The following GHR variants were observed in gnomAD, a reference collection of about 807,000 sequenced individuals.
GHR encodes GH receptor.
Under a neutral mutation model 67.1 loss-of-function variants are expected in GHR, and 35 were observed. That is an observed-to-expected ratio of 0.52 (90% CI 0.40 to 0.69). The LOEUF (loss-of-function observed/expected upper bound fraction) is 0.69. Among genes scored for constraint, GHR ranks in the 30% least tolerant of loss-of-function variants. The pLI, the probability that GHR is intolerant of heterozygous loss-of-function variation, is 0.00. For missense variants in GHR, 792 were observed against 764.6 expected, an observed-to-expected ratio of 1.04 and a Z score of -0.42; for synonymous variants, 272 against 269.1, an observed-to-expected ratio of 1.01 and a Z score of -0.10.
intron 1 of GHR, among the ~76,000 whole-genome samples, chr5:42,460,942 T>A (rs536668415): frequency 6.6e-6 from 1 of 152,138 alleles, no homozygotes; most frequent in Admixed American, 6.5e-5. Flanking sequence ...TCAAAGAGGA[T>A]CCCATATTCC....
intron 6 of GHR, among the ~76,000 whole-genome samples, chr5:42,701,200 T>C (rs1198125895): frequency 6.6e-6 from 1 of 152,144 alleles, no homozygotes; most frequent in East Asian, 1.9e-4. Context: ...ACAAAAGCAA[T>C]GCTGGAAACA....
At chr5:42,552,505 T>C (rs1749085975) in intron 1 of GHR, among the ~76,000 whole-genome samples, 3 of 152,224 alleles carry the variant, frequency 2.0e-5, no homozygotes, top group Non-Finnish European at 4.4e-5. Context: ...TGGGATCATC[T>C]TATGTTGATT....
At chr5:42,620,275 T>C (rs1753376687) in intron 2 of GHR, among the ~76,000 whole-genome samples, 1 of 150,954 alleles carries the variant, frequency 6.6e-6, no homozygotes, top group South Asian at 2.1e-4. Flanking sequence ...AGTAATATTA[T>C]AAGTAAAATC....
chr5:42,713,441 C>T lies in GHR; in HGVS notation c.797C>T (p.Pro266Leu). ...TTGTGTGTTTCAGATTTCTACTTTC[C>T]ATGGCTCTTAATTATTATCTTTGGA... ...QFTCEEDFYFPWLLIIIFGIF... is the reference protein window; with the variant it reads ...QFTCEEDFYFLWLLIIIFGIF... The change falls in exon 8 of 10, where the codon CCA becomes CTA. Residue 266 changes from proline to leucine, a missense_variant. Transcript: ENST00000230882. The T allele has an allele frequency of 7.0e-7, 1 of 1,420,314 alleles. No individual in the cohort carries two copies. The highest frequency in any genetic ancestry group is 9.9e-7 in the Non-Finnish European group (1 of 1,006,150). The allele number at this position is 1,420,314 out of a possible 1,614,324, so 88.0% of individuals were successfully genotyped here.
rs567859903 is a variant in GHR, at chr5:42,569,558, T to C, written c.70+3614T>C. 1.1e-3 allele frequency among the ~76,000 whole-genome samples: 164 copies of C among 152,260 alleles called. 1 individual carries two copies. The highest frequency in any genetic ancestry group is 2.9e-3 in the African/African-American group (121 of 41,562). ...ATCCAGCCAGTAATAGTCCTCAATA[T>C]TGGAGGCCAGACAAAAGCGCTACCT... On this transcript the variant is annotated intron_variant, in intron 2 of 9. Coordinates refer to ENST00000230882, the MANE Select transcript of GHR (RefSeq NM_000163.5).
intron 5 of GHR, among the ~76,000 whole-genome samples, chr5:42,695,651 C>A (rs539379197): frequency 3.2e-4 from 49 of 152,174 alleles, no homozygotes; most frequent in Middle Eastern, 6.8e-3. Context: ...GTGAAAGATC[C>A]AAACAGAGGA....
intron 1 of GHR, among the ~76,000 whole-genome samples, chr5:42,544,815 C>G (rs1748666881): frequency 6.6e-6 from 1 of 152,072 alleles, no homozygotes; most frequent in South Asian, 2.1e-4. Context: ...ATCCTACAAC[C>G]TAAGAGTAGG....
chr5:42,470,754 A>G (rs1421722920), intron 1 of GHR, among the ~76,000 whole-genome samples: 2 of 152,140 alleles, frequency 1.3e-5, no homozygotes, highest in African/African-American at 4.8e-5. Flanking sequence ...CCCTGGCTCT[A>G]TGCAGTGCTC....
At chr5:42,650,578 C>CATATATATATATATATATATATAT (rs35408817) in intron 3 of GHR, among the ~76,000 whole-genome samples, 188 of 128,518 alleles carry the variant, frequency 1.5e-3, no homozygotes, top group African/African-American at 2.5e-3. Flanking sequence ...TTACAGATAA[C>CATATATATATATATATATATATAT]ATATATATAT....
intron 1 of GHR, among the ~76,000 whole-genome samples, chr5:42,552,507 A>T (rs554476711): frequency 2.6e-5 from 4 of 152,296 alleles, no homozygotes; most frequent in Admixed American, 1.3e-4. Flanking sequence ...GGATCATCTT[A>T]TGTTGATTTA....
chr5:42,534,203 T>TATGTACATGTGTATATATGTAC (rs1748123337), intron 1 of GHR, among the ~76,000 whole-genome samples: 1 of 138,140 alleles, frequency 7.2e-6, no homozygotes, highest in African/African-American at 2.9e-5. Context: ...CATGTGTATA[T>TATGTACATGTGTATATATGTAC]ATGTATATAT....
At chr5:42,714,520 GGAA>G (rs1483232790) in intron 8 of GHR, among the ~76,000 whole-genome samples, 2 of 152,144 alleles carry the variant, frequency 1.3e-5, no homozygotes, top group Admixed American at 6.6e-5. Flanking sequence ...AATTTTGTTA[GGAA>G]GAAGAATTAT....
At chr5:42,500,441 A>G (rs1245705146) in intron 1 of GHR, among the ~76,000 whole-genome samples, 1 of 152,270 alleles carries the variant, frequency 6.6e-6, no homozygotes, top group Non-Finnish European at 1.5e-5. Flanking sequence ...TGTAAAATGA[A>G]GATAAATACT....
chr5:42,570,493 T>A (rs769702585), intron 2 of GHR, among the ~76,000 whole-genome samples: 2 of 152,240 alleles, frequency 1.3e-5, no homozygotes, highest in African/African-American at 4.8e-5. Flanking sequence ...ATTTTACAGA[T>A]TCAAGGAGGA....
intron 2 of GHR, among the ~76,000 whole-genome samples, chr5:42,606,636 C>T: frequency 6.6e-6 from 1 of 152,322 alleles, no homozygotes; most frequent in Non-Finnish European, 1.5e-5. Flanking sequence ...ACCCAGACAC[C>T]TCCCACAAGG....
In GHR at chr5:42,719,190, C is replaced by A. The variant is rs139272745; in HGVS notation, c.1683C>A (p.Asn561Lys). The stretch of plus-strand genomic sequence containing the variant: ...AATCACACATACAGCCAAGCTTAAA[C>A]CAAGAGGACATTTACATCACCACAG... ...KVESHIQPSL[N>K]QEDIYITTES... The change falls in exon 10 of 10, where the codon AAC (asparagine) becomes AAA (lysine). Residue 561 changes from asparagine (N) to lysine (K), a missense_variant. By Grantham distance (94) the Asn-to-Lys change is moderately conservative. Coordinates refer to ENST00000230882, the MANE Select transcript of GHR (RefSeq NM_000163.5). The A allele has an allele frequency of 1.2e-6, 2 of 1,613,992 alleles. No individual in the cohort carries two copies. Among genetic ancestry groups the A allele is most frequent in the African/African-American group, 2.7e-5 (2 of 74,930 alleles).
intron 1 of GHR, among the ~76,000 whole-genome samples, chr5:42,491,270 A>T (rs781169640): frequency 2.6e-5 from 4 of 152,242 alleles, no homozygotes; most frequent in Admixed American, 1.3e-4. Flanking sequence ...ATGTGATCTC[A>T]TTTGAATATA....
intron 1 of GHR, among the ~76,000 whole-genome samples, chr5:42,474,285 A>G (rs4866787): frequency 0.21 from 5,567 of 26,902 alleles, 140 homozygotes; most frequent in Non-Finnish European, 0.22. Context: ...GAAAGAAAGA[A>G]AAAGAGAAAG....
At chr5:42,613,220 A>G (rs1752972465) in intron 2 of GHR, among the ~76,000 whole-genome samples, 1 of 152,054 alleles carries the variant, frequency 6.6e-6, no homozygotes, top group Non-Finnish European at 1.5e-5. Context: ...TCCCAACCAC[A>G]TCACTGACCG....
Sources: gnomAD v4.1 joint callset for allele counts (sites outside exome capture counted in the v4.1 genomes callset) on GRCh38, gnomAD v4.1.1 for gene constraint, MANE v1.5 for transcripts, NCBI Gene and HGNC (gene_info 2026-07-23, HGNC 2026-07-21) for gene names.